TSEN15: variants seen among roughly 807,000 people sequenced by gnomAD.
The protein encoded by TSEN15 is tRNA splicing endonuclease subunit 15.
Under a neutral mutation model 20.5 loss-of-function variants are expected in TSEN15, and 10 were observed. The ratio of observed to expected loss-of-function variants is 0.49; its 90% confidence interval spans 0.30 to 0.83. The LOEUF is 0.83. Among genes scored for constraint, TSEN15 ranks in the 40% least tolerant of loss-of-function variants. The pLI, the probability that TSEN15 is intolerant of heterozygous loss-of-function variation, is 0.06. For missense variants in TSEN15, 180 were observed against 218.6 expected, an observed-to-expected ratio of 0.82 and a Z score of 1.11; for synonymous variants, 72 against 80.1, an observed-to-expected ratio of 0.90 and a Z score of 0.54.
At chr1:184,092,613 C>T (rs1263203373) in intron 3 of TSEN15, among the ~76,000 whole-genome samples, 1 of 152,168 alleles carries the variant, frequency 6.6e-6, no homozygotes, top group Non-Finnish European at 1.5e-5. Flanking sequence ...AATTGTTTCC[C>T]AAACTCATTT....
chr1:184,088,403 T>C (rs897137856), intron 3 of TSEN15, among the ~76,000 whole-genome samples: 3 of 151,824 alleles, frequency 2.0e-5, no homozygotes, highest in Admixed American at 1.3e-4. Context: ...TTTTGTAATA[T>C]GTTCAATAAG....
At position 184,059,362 on chromosome 1, in the gene TSEN15, A is replaced by AAATG. The variant is rs148797767; in HGVS notation, c.353+4519_353+4522dup. On this transcript the variant is annotated intron_variant, in intron 3 of 4. Coordinates refer to ENST00000645668, the MANE Select transcript of TSEN15 (RefSeq NM_052965.4). ...GTCTAGTAATATTCCTTAAGGCAGC[A>AAATG]AATGAATGAATGAATGAATGAATAA... Among the ~76,000 whole-genome samples, 609 of 152,202 alleles carry AAATG rather than the reference A, an allele frequency of 4.0e-3. 3 individuals are homozygous for AAATG. Among genetic ancestry groups the AAATG allele is most frequent in the African/African-American group, 0.013 (546 of 41,518 alleles).
intron 3 of TSEN15, among the ~76,000 whole-genome samples, chr1:184,089,114 G>C (rs1270910428): frequency 1.3e-5 from 2 of 152,144 alleles, no homozygotes; most frequent in Non-Finnish European, 2.9e-5. Flanking sequence ...AAATTTTTTG[G>C]TGAAGTTTCC....
At chr1:184,087,892 G>C (rs1651289861) in intron 3 of TSEN15, among the ~76,000 whole-genome samples, 1 of 152,134 alleles carries the variant, frequency 6.6e-6, no homozygotes, top group Non-Finnish European at 1.5e-5. Flanking sequence ...CTATATATTT[G>C]GAAAAGTTTT....
downstream of TSEN15, among the ~76,000 whole-genome samples, chr1:184,075,221 C>CT (rs1182987308): frequency 6.6e-6 from 1 of 152,052 alleles, no homozygotes; most frequent in Non-Finnish European, 1.5e-5. Flanking sequence ...GATGTTTACT[C>CT]TATTTCAGAA....
At chr1:184,072,125 A>C in intron 3 of TSEN15, 32 bp from the exon 4 acceptor site, 1 of 1,607,142 alleles carries the variant, frequency 6.2e-7, no homozygotes, top group Non-Finnish European at 8.5e-7. Context: ...GAGTGACCGC[A>C]ACTCCTAAGT....
intron 3 of TSEN15, among the ~76,000 whole-genome samples, chr1:184,086,136 GA>G (rs1218240452): frequency 6.6e-6 from 1 of 151,838 alleles, no homozygotes. Context: ...TTTATATTCA[GA>G]AAAAAACATT....
chr1:184,071,396 C>T lies in TSEN15; in HGVS notation c.354-761C>T, dbSNP rs147517402. Among the ~76,000 whole-genome samples the T allele has an allele frequency of 3.1e-3, 468 of 151,952 alleles. 2 individuals are homozygous for T. Among genetic ancestry groups the T allele is most frequent in the African/African-American group, 7.4e-3 (305 of 41,490 alleles). On this transcript the variant is annotated intron_variant, in intron 3 of 4. Transcript: ENST00000645668. ...AGACCCTAATATATTTTCCTTTCTC[C>T]TCTTAACTTTATAAAAAGAAAATTA...
Position 184,059,768 on chromosome 1 carries a change from G to A in TSEN15, c.353+4905G>A, listed in dbSNP as rs115635314. ...TGTGTTTTAGTAGAGACAGGTTTTTGCCTTATTGGCTAGGCTGGTCTCGAA... is the reference window on the plus strand; with the variant it reads ...TGTGTTTTAGTAGAGACAGGTTTTTACCTTATTGGCTAGGCTGGTCTCGAA... On this transcript the variant is annotated intron_variant, in intron 3 of 4. Transcript: ENST00000645668. 8.7e-3 allele frequency among the ~76,000 whole-genome samples: 1,331 copies of A among 152,176 alleles called. 14 individuals are homozygous for A. The highest frequency in any genetic ancestry group is 0.027 in the African/African-American group (1,119 of 41,522).
chr1:184,094,143 G>T (rs755965978), intron 3 of TSEN15: 1 of 152,050 alleles, frequency 6.6e-6, no homozygotes, highest in Non-Finnish European at 1.5e-5. Context: ...TTATCATCTT[G>T]GAATGGTTTT....
At chr1:184,071,050 A>C (rs907542448) in intron 3 of TSEN15, 1 of 153,022 alleles carries the variant, frequency 6.5e-6, no homozygotes, top group Non-Finnish European at 1.5e-5. Context: ...TATACTACAT[A>C]ATATGACCAC....
chr1:184,072,294 C>A lies in TSEN15; in HGVS notation c.491C>A (p.Pro164His). ...ACTGATGGATTTATGCTGCCAGACCCTCAGGTCAGTTTTGAGGTAACTGAC... is the reference window on the plus strand; with the variant it reads ...ACTGATGGATTTATGCTGCCAGACCATCAGGTCAGTTTTGAGGTAACTGAC... Reference protein sequence around the residue: ...KLTDGFMLPDPQNISLRR With the variant: ...KLTDGFMLPDHQNISLRR Residue 164 changes from proline (P) to histidine (H), a missense_variant, in exon 4 of 5, where the codon CCT (proline) becomes CAT (histidine). Physicochemically the swap from Pro to His is moderately conservative, Grantham distance 77. Transcript: ENST00000645668. The A allele has an allele frequency of 6.2e-7, 1 of 1,605,214 alleles. No homozygotes were observed. The highest frequency in any genetic ancestry group is 8.5e-7 in the Non-Finnish European group (1 of 1,176,376).
chr1:184,081,758 A>G (rs899602120), intron 3 of TSEN15, among the ~76,000 whole-genome samples: 1 of 152,132 alleles, frequency 6.6e-6, no homozygotes, highest in Non-Finnish European at 1.5e-5. Context: ...AAAGGGCACT[A>G]AGTACCACCA....
At position 184,073,119 on chromosome 1, in the gene TSEN15, T is replaced by A. The variant is rs1260261091; in HGVS notation, c.*272T>A. 5.3e-6 allele frequency: 2 copies of A among 376,076 alleles called. No individual in the cohort carries two copies. Among genetic ancestry groups the A allele is most frequent in the Non-Finnish European group, 9.4e-6 (2 of 212,274 alleles). 23.3% of individuals were successfully genotyped at this position (376,076 alleles called of 1,614,324 possible). ...GGTTTATGCCTAGGATGTATTCAGA[T>A]GGGTGGGACCTGTGTGCTGCTTTTG... On this transcript the variant is annotated 3_prime_UTR_variant, in exon 5 of 5. Transcript: ENST00000645668.
At chr1:184,059,843 T>TTG (rs1452591145) in intron 3 of TSEN15, among the ~76,000 whole-genome samples, 1 of 152,244 alleles carries the variant, frequency 6.6e-6, no homozygotes, top group Non-Finnish European at 1.5e-5. Flanking sequence ...AATTCTGGCA[T>TTG]TACAGGTGTG....
At chr1:184,068,464 G>A (rs1232629080) in intron 3 of TSEN15, among the ~76,000 whole-genome samples, 1 of 152,088 alleles carries the variant, frequency 6.6e-6, no homozygotes. Flanking sequence ...ATCTGCTGCT[G>A]GTGAAACCCC....
At chr1:184,057,882 G>A (rs1232619608) in intron 3 of TSEN15, among the ~76,000 whole-genome samples, 1 of 151,960 alleles carries the variant, frequency 6.6e-6, no homozygotes, top group African/African-American at 2.4e-5. Context: ...GTACTTTCCG[G>A]TTTTTACTAG....
At chr1:184,065,132 C>T (rs1650600240) in intron 3 of TSEN15, among the ~76,000 whole-genome samples, 7 of 152,074 alleles carry the variant, frequency 4.6e-5, no homozygotes, top group Admixed American at 4.6e-4. Flanking sequence ...AATGGCAACT[C>T]TATTCATTCT....
At chr1:184,091,856 G>C (rs1221168764) in intron 3 of TSEN15, among the ~76,000 whole-genome samples, 1 of 152,076 alleles carries the variant, frequency 6.6e-6, no homozygotes, top group Non-Finnish European at 1.5e-5. Flanking sequence ...TAAAATTCTG[G>C]GTTTTGTTTA....
Sources: allele counts gnomAD v4.1 joint callset (sites outside exome capture counted in the v4.1 genomes callset), GRCh38; gene constraint gnomAD v4.1.1; transcripts MANE v1.5; gene names NCBI Gene and HGNC (gene_info 2026-07-23, HGNC 2026-07-21).